Variants in EML4 observed in about 807,000 individuals in gnomAD.
The protein encoded by EML4 is EMAP like 4.
In EML4, 72 loss-of-function variants were observed where a neutral mutation model predicts 129.0. That is an observed-to-expected ratio of 0.56 (90% CI 0.46 to 0.68). The LOEUF is 0.68. Ranked by LOEUF, EML4 falls within the 30% of genes least tolerant of loss-of-function variation. The probability of loss-of-function intolerance (pLI) is 0.00; values close to 1 mark genes in which losing one functional copy is unlikely to be tolerated. For missense variants in EML4, 1,363 were observed against 1,190.6 expected (o/e 1.14, Z -2.13); for synonymous variants, 532 against 405.0 (o/e 1.31, Z -3.77).
chr2:42,169,676 T>C, intron 1 of EML4, 40 bp downstream of exon 1: 1 of 1,586,784 alleles, frequency 6.3e-7, no homozygotes, highest in Non-Finnish European at 8.6e-7. Context: ...CTGCGAAGGG[T>C]AGGAACTTTT....
At chr2:42,171,202 A>G (rs931800485) in intron 1 of EML4, among the ~76,000 whole-genome samples, 1 of 152,174 alleles carries the variant, frequency 6.6e-6, no homozygotes, top group Admixed American at 6.5e-5. Context: ...TAAGTGTTGG[A>G]CCGAAAAACT....
intron 1 of EML4, among the ~76,000 whole-genome samples, chr2:42,222,261 C>A (rs1404435388): frequency 6.6e-6 from 1 of 151,588 alleles, no homozygotes; most frequent in Admixed American, 6.6e-5. Flanking sequence ...CAAGATAACC[C>A]CTGTTAACAG....
At chr2:42,218,686 C>T (rs1673359460) in intron 1 of EML4, among the ~76,000 whole-genome samples, 1 of 152,168 alleles carries the variant, frequency 6.6e-6, no homozygotes, top group Admixed American at 6.5e-5. Context: ...GGTTCCTATC[C>T]ATACAGCACA....
chr2:42,315,921 G>A (rs1669222515), intron 17 of EML4, 41 bp from the exon 18 acceptor site: 1 of 1,406,954 alleles, frequency 7.1e-7, no homozygotes, highest in African/African-American at 1.4e-5. Context: ...TTCTATAAAT[G>A]CTAATATCTG....
intron 21 of EML4, 47 bp from the exon 22 acceptor site, chr2:42,328,839 T>C (rs377508553): frequency 2.4e-5 from 37 of 1,516,000 alleles, no homozygotes; most frequent in African/African-American, 2.4e-4. Context: ...ATCACAGTTA[T>C]ATTTCTTCAG....
intron 17 of EML4, among the ~76,000 whole-genome samples, chr2:42,308,923 A>C (rs754246703): frequency 7.9e-5 from 12 of 152,218 alleles, no homozygotes; most frequent in African/African-American, 1.4e-4. Context: ...AGCATGTATT[A>C]TGGCCAAATA....
At chr2:42,210,257 C>T (rs1025959375) in intron 1 of EML4, among the ~76,000 whole-genome samples, 4 of 152,136 alleles carry the variant, frequency 2.6e-5, no homozygotes, top group Middle Eastern at 3.4e-3. Flanking sequence ...TTTGATACCT[C>T]GACAGTTTTA....
At chr2:42,243,414 T>G (rs1266896289) in intron 1 of EML4, among the ~76,000 whole-genome samples, 2 of 125,856 alleles carry the variant, frequency 1.6e-5, no homozygotes, top group Non-Finnish European at 3.8e-5. Context: ...TTCTTATCAT[T>G]CCTTAAGCAT....
chr2:42,210,049 C>A (rs1344175916), intron 1 of EML4, among the ~76,000 whole-genome samples: 2 of 152,130 alleles, frequency 1.3e-5, no homozygotes. Context: ...ACCCCCCATT[C>A]CCTTATTATT....
intron 19 of EML4, among the ~76,000 whole-genome samples, chr2:42,323,511 G>T (rs1433256458): frequency 6.6e-6 from 1 of 152,136 alleles, no homozygotes; most frequent in Non-Finnish European, 1.5e-5. Flanking sequence ...CACTATGGTG[G>T]AGATTATGGC....
In EML4 at chr2:42,303,217, A is replaced by T; in HGVS notation, c.1755A>T (p.Gln585His). The T allele has an allele frequency of 6.2e-7, 1 of 1,614,194 alleles. No homozygotes were observed. Among genetic ancestry groups the T allele is most frequent in the Non-Finnish European group, 8.5e-7 (1 of 1,180,014 alleles). ...ILRGTFNDGF[Q>H]IEVQGHTDEL... The stretch of plus-strand genomic sequence containing the variant: ...GAGGAACATTTAATGATGGCTTCCA[A>T]ATAGAAGTACAGGTAAGCTGTGTGA... Residue 585 changes from glutamine to histidine, a missense_variant, in exon 15 of 23, where the codon CAA becomes CAT. Physicochemically the swap from Gln to His is conservative, Grantham distance 24. Coordinates refer to ENST00000318522, the MANE Select transcript of EML4 (RefSeq NM_019063.5).
Position 42,311,834 on chromosome 2 carries a change from A to G in EML4, c.1968-4128A>G, listed in dbSNP as rs1056380225. Among the ~76,000 whole-genome samples the G allele has an allele frequency of 3.9e-5, 6 of 152,318 alleles. No individual in the cohort carries two copies. In the East Asian group the frequency reaches 9.6e-4, roughly 24 times the overall value. On this transcript the variant is annotated intron_variant, in intron 17 of 22. Coordinates refer to ENST00000318522, the MANE Select transcript of EML4 (RefSeq NM_019063.5). Reference sequence around the variant, plus strand: ...GTACTGTCCAGTTGCAATAAAGTGTATGTCTTATGTGCTTTTTTTATTTTA... The same window carrying G: ...GTACTGTCCAGTTGCAATAAAGTGTGTGTCTTATGTGCTTTTTTTATTTTA...
chr2:42,288,483 A>G (rs1667437974), intron 11 of EML4, 161 bp downstream of exon 11: 1 of 428,032 alleles, frequency 2.3e-6, no homozygotes, highest in Non-Finnish European at 4.2e-6. Context: ...TCGTTAAGAT[A>G]TTAACACTAT....
intron 18 of EML4, among the ~76,000 whole-genome samples, chr2:42,317,081 T>C (rs1558607046): frequency 6.6e-6 from 1 of 152,290 alleles, no homozygotes; most frequent in East Asian, 1.9e-4. Flanking sequence ...GTTCTGTAAT[T>C]GGACAGATCA....
In EML4 at chr2:42,262,211, A is replaced by G. The variant is rs551227494; in HGVS notation, c.512+917A>G. 3.3e-4 allele frequency among the ~76,000 whole-genome samples: 51 copies of G among 152,266 alleles called. 1 individual carries two copies. Among genetic ancestry groups the G allele is most frequent in the African/African-American group, 1.2e-3 (49 of 41,566 alleles). On this transcript the variant is annotated intron_variant, in intron 4 of 22. Coordinates refer to ENST00000318522, the MANE Select transcript of EML4 (RefSeq NM_019063.5). ...TTTAATATTTTGCCTCAAATCGCTA[A>G]TGGAAATTGGGAAAACCAAAATACC...
chr2:42,240,444 G>A (rs1674950855), intron 1 of EML4, among the ~76,000 whole-genome samples: 1 of 152,130 alleles, frequency 6.6e-6, no homozygotes, highest in African/African-American at 2.4e-5. Flanking sequence ...GTGTGTATAT[G>A]TGTGTTTTTT....
intron 1 of EML4, among the ~76,000 whole-genome samples, chr2:42,236,045 G>T (rs1260416580): frequency 6.6e-6 from 1 of 152,048 alleles, no homozygotes. Context: ...CATTATGTGT[G>T]AGTGTCTCAC....
At chr2:42,286,631 C>T (rs796440301) in intron 10 of EML4, among the ~76,000 whole-genome samples, 3 of 152,176 alleles carry the variant, frequency 2.0e-5, no homozygotes, top group Admixed American at 1.3e-4. Flanking sequence ...TGAGGTAGAG[C>T]TCCCATGTAG....
intron 11 of EML4, 112 bp downstream of exon 11, chr2:42,288,434 C>G: frequency 2.1e-6 from 1 of 484,430 alleles, no homozygotes; most frequent in East Asian, 3.3e-5. Context: ...AAAAGCAGAT[C>G]TACTAGCCAA....
Sources: gnomAD v4.1 joint callset for allele counts (sites outside exome capture counted in the v4.1 genomes callset) on GRCh38, gnomAD v4.1.1 for gene constraint, MANE v1.5 for transcripts, NCBI Gene and HGNC (gene_info 2026-07-23, HGNC 2026-07-21) for gene names.